Variants in ITGA11 observed in about 807,000 individuals in gnomAD.
The protein encoded by ITGA11 is integrin alpha-11.
ITGA11 carries 97 observed loss-of-function variants against 141.9 expected under a neutral mutation model. The observed-to-expected ratio is 0.68, with a 90% CI of 0.58 to 0.81. The LOEUF (loss-of-function observed/expected upper bound fraction) is 0.81, where lower values mean the gene tolerates loss of function less well. Among genes scored for constraint, ITGA11 ranks in the 30% least tolerant of loss-of-function variants. The pLI is 0.00. For synonymous variants in ITGA11, 658 were observed against 624.6 expected (o/e 1.05, Z -0.80); for missense variants, 1,387 against 1,559.2 (o/e 0.89, Z 1.86).
chr15:68,318,712 T>TA (rs1301578607), intron 20 of ITGA11, among the ~76,000 whole-genome samples: 2 of 151,396 alleles, frequency 1.3e-5, no homozygotes, highest in Non-Finnish European at 3.0e-5. Context: ...ACTGCTCCTG[T>TA]GTGTGTGGCA....
chr15:68,362,869 G>A (rs1648395106), intron 4 of ITGA11, among the ~76,000 whole-genome samples: 1 of 152,044 alleles, frequency 6.6e-6, no homozygotes, highest in African/African-American at 2.4e-5. Context: ...ATGTATGAAT[G>A]GGTGGATGAA....
At position 68,321,565 on chromosome 15, in the gene ITGA11, T is replaced by C. The variant is rs1893814989; in HGVS notation, c.2323-62A>G. ...GGGACCCGCAGCCCCTCGCCCTCAATGTACACCAGCTCTGTCTCCACCACA... is the reference window on the plus strand; with the variant it reads ...GGGACCCGCAGCCCCTCGCCCTCAACGTACACCAGCTCTGTCTCCACCACA... On this transcript the variant is annotated intron_variant, in intron 18 of 29. Coordinates refer to ENST00000315757, the MANE Select transcript of ITGA11 (RefSeq NM_001004439.2). This position sits in a 1 kb window ranked among gnomAD's most constrained non-coding sequence, Gnocchi z 4.9. 1 of 1,065,740 alleles carries C rather than the reference T, an allele frequency of 9.4e-7. No homozygotes were observed. Among genetic ancestry groups the C allele is most frequent in the East Asian group, 2.7e-5 (1 of 37,498 alleles). 66.0% of individuals were successfully genotyped at this position (1,065,740 alleles called of 1,614,324 possible). A position where few individuals can be genotyped will look rare whatever the true frequency, so the allele number is the denominator to read the frequency against.
At chr15:68,364,860 G>C (rs1195200865) in intron 3 of ITGA11, 62 bp from the exon 4 acceptor site, 2 of 1,496,456 alleles carry the variant, frequency 1.3e-6, no homozygotes, top group Admixed American at 1.7e-5. Context: ...CCCAGAGCCT[G>C]CTGCTGGTCT....
rs1426876113 is a variant in ITGA11, at chr15:68,302,277, C to T, written c.*782G>A. ...CATCCACATGCTTCCCATGAGGTAC[C>T]TGGGAACAAAAGTGACCCGGGAGGG... On this transcript the variant is annotated 3_prime_UTR_variant, in exon 30 of 30. Coordinates refer to ENST00000315757, the MANE Select transcript of ITGA11 (RefSeq NM_001004439.2). The T allele has an allele frequency of 6.6e-6, 1 of 152,278 alleles. No individual in the cohort carries two copies. The highest frequency in any genetic ancestry group is 1.5e-5 in the Non-Finnish European group (1 of 68,112). 9.4% of individuals were successfully genotyped at this position (152,278 alleles called of 1,614,324 possible). A position where few individuals can be genotyped will look rare whatever the true frequency, so the allele number is the denominator to read the frequency against.
chr15:68,430,042 C>T (rs1897234172), intron 1 of ITGA11, among the ~76,000 whole-genome samples: 5 of 152,200 alleles, frequency 3.3e-5, no homozygotes, highest in Admixed American at 3.3e-4. Context: ...AGATTGCACA[C>T]ACGCTAGGGC....
chr15:68,356,391 A>G (rs1267471270), intron 7 of ITGA11, among the ~76,000 whole-genome samples: 1 of 151,764 alleles, frequency 6.6e-6, no homozygotes, highest in African/African-American at 2.4e-5. Context: ...GGTGAGAGCC[A>G]CCACTCCTGG....
chr15:68,311,344 G>A lies in ITGA11; in HGVS notation c.3033C>T (p.Ile1011=), dbSNP rs200761705. Residue 1011 remains isoleucine (I), a synonymous_variant, in exon 25 of 30, where the codon ATC becomes ATT. Coordinates refer to ENST00000315757, the MANE Select transcript of ITGA11 (RefSeq NM_001004439.2). ...GTAGGCGGTTGCCGCTCCTGGTGGC[G>A]ATGGGAATGGTGATCTTCATCATCA... The part of the protein sequence containing the change: ...HGMMMKITIP[I]ATRSGNRLLK... 8.9e-6 allele frequency: 14 copies of A among 1,578,696 alleles called. No individual in the cohort carries two copies. The highest frequency in any genetic ancestry group is 1.2e-5 in the South Asian group (1 of 86,144).
At chr15:68,347,044 G>A (rs902654401) in intron 10 of ITGA11, among the ~76,000 whole-genome samples, 3 of 152,176 alleles carry the variant, frequency 2.0e-5, no homozygotes, top group Non-Finnish European at 2.9e-5. Context: ...AATCATTTCC[G>A]GGTCCTTTCA....
intron 11 of ITGA11, among the ~76,000 whole-genome samples, chr15:68,339,032 A>G (rs971527709): frequency 2.0e-5 from 3 of 152,224 alleles, no homozygotes; most frequent in African/African-American, 4.8e-5. Flanking sequence ...TTGTGCTTCT[A>G]TCTAGATATC....
intron 10 of ITGA11, among the ~76,000 whole-genome samples, chr15:68,344,178 T>C (rs1360077852): frequency 6.6e-6 from 1 of 152,008 alleles, no homozygotes; most frequent in East Asian, 1.9e-4. Flanking sequence ...GGGACCAGCG[T>C]GGCAGAGGAC....
At chr15:68,382,090 C>T (rs73431891) in intron 2 of ITGA11, among the ~76,000 whole-genome samples, 15,123 of 152,246 alleles carry the variant, frequency 0.099, 1,233 homozygotes, top group East Asian at 0.23. Context: ...CTCAGATTTA[C>T]TTTTCTCCTC....
intron 3 of ITGA11, among the ~76,000 whole-genome samples, chr15:68,366,773 C>T (rs1895434841): frequency 6.6e-6 from 1 of 152,188 alleles, no homozygotes; most frequent in Non-Finnish European, 1.5e-5. Context: ...CCTACACAGG[C>T]CCTGGCTTTG....
chr15:68,309,710 C>T (rs1893316363), intron 26 of ITGA11, among the ~76,000 whole-genome samples: 1 of 151,578 alleles, frequency 6.6e-6, no homozygotes, highest in South Asian at 2.1e-4. Flanking sequence ...TTCTCTTGCC[C>T]AGCCCGAGTC....
chr15:68,345,744 G>A (rs1404029052), intron 10 of ITGA11, among the ~76,000 whole-genome samples: 1 of 152,178 alleles, frequency 6.6e-6, no homozygotes, highest in East Asian at 1.9e-4. Flanking sequence ...CATGCTCAGG[G>A]CAAAGTGGAA....
intron 11 of ITGA11, among the ~76,000 whole-genome samples, chr15:68,338,719 G>C (rs1567135240): frequency 6.6e-6 from 1 of 152,256 alleles, no homozygotes; most frequent in Admixed American, 6.5e-5. Flanking sequence ...CGCATGGACA[G>C]ATTCGCTGTC....
intron 23 of ITGA11, among the ~76,000 whole-genome samples, chr15:68,313,504 C>A (rs1893463875): frequency 6.6e-6 from 1 of 152,174 alleles, no homozygotes; most frequent in Non-Finnish European, 1.5e-5. Flanking sequence ...GGGGTGGACG[C>A]CTCCCACTGC....
At chr15:68,430,271 T>C (rs964587642) in intron 1 of ITGA11, among the ~76,000 whole-genome samples, 1 of 151,992 alleles carries the variant, frequency 6.6e-6, no homozygotes, top group Admixed American at 6.6e-5. Flanking sequence ...TAACAACCAT[T>C]GATTAAAGCC....
At chr15:68,311,451 G>A in intron 24 of ITGA11, 48 bp from the exon 25 acceptor site, 1 of 1,354,784 alleles carries the variant, frequency 7.4e-7, no homozygotes, top group Non-Finnish European at 1.0e-6. Flanking sequence ...TGAGGGGGGT[G>A]GAAAACAAGG....
At chr15:68,306,421 T>A (rs534070374) in intron 28 of ITGA11, among the ~76,000 whole-genome samples, 3 of 152,214 alleles carry the variant, frequency 2.0e-5, no homozygotes, top group Non-Finnish European at 2.9e-5. Context: ...CTTTCAAGAT[T>A]CGGTTCAAAC....
Sources: gnomAD v4.1 joint callset for allele counts (sites outside exome capture counted in the v4.1 genomes callset) on GRCh38, gnomAD v4.1.1 for gene constraint, Gnocchi (gnomAD v3.1) non-coding constraint, MANE v1.5 for transcripts, NCBI Gene and HGNC (gene_info 2026-07-23, HGNC 2026-07-21) for gene names.